The following LOC122539214 variants were observed in gnomAD, a reference collection of about 807,000 sequenced individuals.
chr19:52,685,353 T>A, the LOC122539214 span, among the ~76,000 whole-genome samples: 1 of 152,142 alleles, frequency 6.6e-6, no homozygotes, highest in African/African-American at 2.4e-5. Flanking sequence ...CTGGAAGGGC[T>A]AACGGGAAGG....
the LOC122539214 span, among the ~76,000 whole-genome samples, chr19:52,674,927 G>C: frequency 6.6e-6 from 1 of 152,150 alleles, no homozygotes; most frequent in Non-Finnish European, 1.5e-5. Context: ...ACCTCTGTTG[G>C]CCAGGCTGGT....
the LOC122539214 span, among the ~76,000 whole-genome samples, chr19:52,682,521 A>G: frequency 6.6e-6 from 1 of 151,986 alleles, no homozygotes; most frequent in Non-Finnish European, 1.5e-5. Flanking sequence ...AAACACAAAA[A>G]TTACCCAGGC....
the LOC122539214 span, among the ~76,000 whole-genome samples, chr19:52,677,492 A>G: frequency 2.0e-5 from 3 of 151,614 alleles, no homozygotes; most frequent in Non-Finnish European, 2.9e-5. Flanking sequence ...TCTCAAAAAG[A>G]AAAAAAGAAA....
the LOC122539214 span, among the ~76,000 whole-genome samples, chr19:52,657,077 C>T: frequency 1.3e-5 from 2 of 152,072 alleles, no homozygotes; most frequent in African/African-American, 2.4e-5. Flanking sequence ...GATTGCACCA[C>T]TGCACTCCAG....
the LOC122539214 span, among the ~76,000 whole-genome samples, chr19:52,657,928 G>A: frequency 1.3e-5 from 2 of 151,682 alleles, no homozygotes; most frequent in African/African-American, 2.4e-5. Context: ...CCTGAGGTTG[G>A]TAGCTCAAGA....
At chr19:52,673,500 T>TCACA in the LOC122539214 span, among the ~76,000 whole-genome samples, 91 of 148,898 alleles carry the variant, frequency 6.1e-4, no homozygotes, top group East Asian at 2.0e-3. Context: ...TGTAACTCCA[T>TCACA]CACACACACA....
the LOC122539214 span, among the ~76,000 whole-genome samples, chr19:52,663,455 C>T: frequency 6.6e-6 from 1 of 152,176 alleles, no homozygotes; most frequent in African/African-American, 2.4e-5. Context: ...CCTTCAACAT[C>T]TGCAAAGAAT....
the LOC122539214 span, among the ~76,000 whole-genome samples, chr19:52,662,798 A>G: frequency 6.6e-6 from 1 of 152,114 alleles, no homozygotes; most frequent in African/African-American, 2.4e-5. Context: ...GTTGAGTCAG[A>G]AGGAGGTGCG....
chr19:52,658,945 T>G, the LOC122539214 span, among the ~76,000 whole-genome samples: 2 of 152,190 alleles, frequency 1.3e-5, no homozygotes, highest in African/African-American at 4.8e-5. Context: ...GTTAATTCTA[T>G]TCTAAATAAA....
the LOC122539214 span, among the ~76,000 whole-genome samples, chr19:52,687,552 GTGTA>G: frequency 4.8e-5 from 1 of 20,944 alleles, no homozygotes; most frequent in African/African-American, 2.3e-4. Flanking sequence ...TAAATTATAT[GTGTA>G]AATTTTATAT....
chr19:52,679,343 G>A, the LOC122539214 span, among the ~76,000 whole-genome samples: 2 of 152,178 alleles, frequency 1.3e-5, no homozygotes, highest in Non-Finnish European at 2.9e-5. Flanking sequence ...AGGCATGGTG[G>A]CTCATGCCTG....
chr19:52,667,401 TAA>T, the LOC122539214 span, among the ~76,000 whole-genome samples: 3 of 152,138 alleles, frequency 2.0e-5, no homozygotes, highest in Non-Finnish European at 2.9e-5. Flanking sequence ...AGAAAAGTTA[TAA>T]GAGGGAATTT....
the LOC122539214 span, among the ~76,000 whole-genome samples, chr19:52,681,721 A>C: frequency 6.6e-6 from 1 of 152,256 alleles, no homozygotes; most frequent in African/African-American, 2.4e-5. Context: ...TACAGCTTCA[A>C]AACTAAACTG....
chr19:52,654,360 G>A, the LOC122539214 span: 138 of 1,284,642 alleles, frequency 1.1e-4, no homozygotes, highest in East Asian at 1.9e-3. Context: ...CTGTATTACC[G>A]TGCCCTGTTG....
chr19:52,660,194 T>C, the LOC122539214 span, among the ~76,000 whole-genome samples: 1 of 152,124 alleles, frequency 6.6e-6, no homozygotes, highest in African/African-American at 2.4e-5. Flanking sequence ...TTGCATAGTC[T>C]TAGTCAGAGA....
the LOC122539214 span, among the ~76,000 whole-genome samples, chr19:52,681,280 C>CAAAAAAAAAAAAAAAAAAAAAAAAAA: frequency 8.0e-5 from 6 of 75,428 alleles, no homozygotes; most frequent in South Asian, 6.4e-4. Context: ...GAGACTTTCT[C>CAAAAAAAAAAAAAAAAAAAAAAAAAA]AAAAAAAAAA....
the LOC122539214 span, chr19:52,651,458 T>C: frequency 6.6e-6 from 1 of 152,268 alleles, no homozygotes; most frequent in African/African-American, 2.4e-5. Flanking sequence ...GTGGATGATA[T>C]ACTAGTGTCA....
chr19:52,683,276 GTGTGTA>G, the LOC122539214 span, among the ~76,000 whole-genome samples: 2 of 90,326 alleles, frequency 2.2e-5, no homozygotes, highest in African/African-American at 4.2e-5. Flanking sequence ...GTGTGTGTGT[GTGTGTA>G]TGCTCACGTG....
the LOC122539214 span, among the ~76,000 whole-genome samples, chr19:52,670,730 G>A: frequency 3.3e-5 from 5 of 152,126 alleles, no homozygotes; most frequent in Admixed American, 6.5e-5. Flanking sequence ...TTTTAGGGAG[G>A]CATTAGACAT....
Sources: gnomAD v4.1 joint callset for allele counts (sites outside exome capture counted in the v4.1 genomes callset) on GRCh38, gnomAD v4.1.1 for gene constraint, MANE v1.5 for transcripts.